DCC: variants seen among roughly 807,000 people sequenced by gnomAD.
DCC encodes the protein netrin receptor DCC.
Under a neutral mutation model 172.5 loss-of-function variants are expected in DCC, and 58 were observed. The observed-to-expected ratio is 0.34, with a 90% CI of 0.27 to 0.42. DCC has a LOEUF of 0.42. DCC is among the 10% of genes least tolerant of loss of function. The pLI, the probability that DCC is intolerant of heterozygous loss-of-function variation, is 1.00. For synonymous variants in DCC, 709 were observed against 644.5 expected (o/e 1.10, Z -1.52); for missense variants, 1,740 against 1,791.0 (o/e 0.97, Z 0.51).
intron 7 of DCC, among the ~76,000 whole-genome samples, chr18:53,131,767 A>G (rs971692909): frequency 1.3e-5 from 2 of 152,092 alleles, no homozygotes; most frequent in African/African-American, 2.4e-5. Context: ...AGTGATACAG[A>G]CAGTAAGTGT....
intron 1 of DCC, among the ~76,000 whole-genome samples, chr18:52,538,023 T>A (rs1469937107): frequency 6.6e-6 from 1 of 152,218 alleles, no homozygotes; most frequent in African/African-American, 2.4e-5. Context: ...TACCCTGGAT[T>A]CCACCTGTGC....
At chr18:52,532,595 A>G (rs2032181900) in intron 1 of DCC, among the ~76,000 whole-genome samples, 1 of 152,188 alleles carries the variant, frequency 6.6e-6, no homozygotes, top group Non-Finnish European at 1.5e-5. Flanking sequence ...GTGCATCACC[A>G]TTGACTGAAG....
chr18:52,733,760 T>A (rs944783687), intron 1 of DCC, among the ~76,000 whole-genome samples: 1 of 152,136 alleles, frequency 6.6e-6, no homozygotes, highest in Non-Finnish European at 1.5e-5. Flanking sequence ...CCTCCCAAAG[T>A]GCTGGGATTA....
chr18:52,870,027 C>T (rs1479572713), intron 2 of DCC, among the ~76,000 whole-genome samples: 2 of 152,018 alleles, frequency 1.3e-5, no homozygotes, highest in African/African-American at 4.8e-5. Context: ...TCTGTCCGCT[C>T]CTCCAAGCCC....
At chr18:53,361,667 A>T (rs777256560) in intron 15 of DCC, among the ~76,000 whole-genome samples, 1 of 152,176 alleles carries the variant, frequency 6.6e-6, no homozygotes, top group African/African-American at 2.4e-5. Flanking sequence ...CAAATTAGAA[A>T]CAATACCAAT....
In DCC at chr18:53,420,135, G is replaced by A. The variant is rs898051771; in HGVS notation, c.3163+3979G>A. Among the ~76,000 whole-genome samples, 3 of 152,128 alleles carry A rather than the reference G, an allele frequency of 2.0e-5. 1 individual carries two copies. Among genetic ancestry groups the A allele is most frequent in the South Asian group, 4.1e-4 (2 of 4,828 alleles). On this transcript the variant is annotated intron_variant, in intron 21 of 28. Transcript: ENST00000442544. ...CTCTTAAAGTGCTGGGATTCCAGGA[G>A]TAAGCCACCATGCCCCACCCAAAAG... is the stretch of plus-strand genomic sequence containing the variant.
intron 15 of DCC, among the ~76,000 whole-genome samples, chr18:53,352,528 A>G (rs911604387): frequency 5.3e-5 from 8 of 152,102 alleles, no homozygotes; most frequent in Admixed American, 5.2e-4. Flanking sequence ...TCCAGACTAT[A>G]CATTTTTGGC....
intron 27 of DCC, among the ~76,000 whole-genome samples, chr18:53,515,428 A>C (rs2046321474): frequency 6.6e-6 from 1 of 150,542 alleles, no homozygotes; most frequent in South Asian, 2.2e-4. Flanking sequence ...TATTCAACAT[A>C]GTGTTGGAAG....
intron 1 of DCC, among the ~76,000 whole-genome samples, chr18:52,347,629 G>A (rs1350757508): frequency 6.6e-6 from 1 of 152,066 alleles, no homozygotes; most frequent in African/African-American, 2.4e-5. Context: ...TAAGACATAG[G>A]GGACTAAGTT....
At chr18:52,993,799 T>C (rs1273832307) in intron 5 of DCC, among the ~76,000 whole-genome samples, 1 of 149,630 alleles carries the variant, frequency 6.7e-6, no homozygotes, top group African/African-American at 2.5e-5. Context: ...TTTTTATAAG[T>C]TCTGAGAATT....
chr18:53,092,394 A>G (rs189318537), intron 7 of DCC, among the ~76,000 whole-genome samples: 2 of 152,184 alleles, frequency 1.3e-5, no homozygotes, highest in African/African-American at 2.4e-5. Context: ...AGAGATAATA[A>G]TGCATAATAA....
chr18:53,206,246 T>TACACATATACCACATATATGTATTATAAC lies in DCC; in HGVS notation c.1722+885_1722+886insCATATACCACATATATGTATTATAACACA, dbSNP rs1568364810. Among the ~76,000 whole-genome samples the TACACATATACCACATATATGTATTATAAC allele has an allele frequency of 1.8e-3, 245 of 132,940 alleles. 8 individuals carry two copies. The highest frequency in any genetic ancestry group is 6.5e-3 in the African/African-American group (232 of 35,788). The allele number at this position is 132,940 out of a possible 152,430, so 87.2% of individuals were successfully genotyped here. ...ATATACATATATGTGTTATACATAA[T>TACACATATACCACATATATGTATTATAAC]ACATATATACCACATATATGTATTA... On this transcript the variant is annotated intron_variant, in intron 10 of 28. Transcript: ENST00000442544.
At position 52,653,605 on chromosome 18, in the gene DCC, G is replaced by A. The variant is rs1446150488; in HGVS notation, c.92-98449G>A. Among the ~76,000 whole-genome samples the A allele has an allele frequency of 4.6e-5, 7 of 152,268 alleles. No individual in the cohort carries two copies. In the East Asian group the frequency reaches 1.3e-3, roughly 29 times the overall value. On this transcript the variant is annotated intron_variant, in intron 1 of 28. Coordinates refer to ENST00000442544, the MANE Select transcript of DCC (RefSeq NM_005215.4). ...TTCTGAGAGTTCAAACTTTGCCAGA[G>A]GAGAGGACATAAAATCTAAGGAGTT...
At chr18:53,474,352 C>T (rs2045735670) in intron 25 of DCC, among the ~76,000 whole-genome samples, 1 of 152,070 alleles carries the variant, frequency 6.6e-6, no homozygotes. Context: ...AAACCTGATG[C>T]ATCTATATAA....
intron 7 of DCC, among the ~76,000 whole-genome samples, chr18:53,126,525 C>T (rs909709225): frequency 2.0e-5 from 3 of 152,090 alleles, no homozygotes; most frequent in Non-Finnish European, 4.4e-5. Flanking sequence ...TTTAAAAGCA[C>T]AGAAAACAGT....
chr18:52,593,586 T>C (rs1213708561), intron 1 of DCC, among the ~76,000 whole-genome samples: 2 of 152,342 alleles, frequency 1.3e-5, no homozygotes, highest in East Asian at 3.9e-4. Context: ...ATTTAATATT[T>C]ACATGTATAA....
chr18:52,694,888 T>A (rs1264051999), intron 1 of DCC, among the ~76,000 whole-genome samples: 1 of 152,200 alleles, frequency 6.6e-6, no homozygotes, highest in Non-Finnish European at 1.5e-5. Flanking sequence ...GTTCTCTGTA[T>A]GTACAAGTGG....
chr18:52,610,161 AAAAAAAAAAAAAAAAAAATATAT>A (rs2034224808), intron 1 of DCC, among the ~76,000 whole-genome samples: 5 of 15,280 alleles, frequency 3.3e-4, no homozygotes, highest in African/African-American at 1.6e-3. Context: ...TAAAAAAAAA[AAAAAAAAAAAAAAAAAAATATAT>A]ATATATATAT....
chr18:53,157,597 G>A, intron 8 of DCC, 85 bp downstream of exon 8: 1 of 1,424,740 alleles, frequency 7.0e-7, no homozygotes, highest in Non-Finnish European at 9.7e-7. Context: ...GGAGATCTTG[G>A]GCAGGAACTT....
Sources: gnomAD v4.1 joint callset for allele counts (sites outside exome capture counted in the v4.1 genomes callset) on GRCh38, gnomAD v4.1.1 for gene constraint, MANE v1.5 for transcripts, NCBI Gene and HGNC (gene_info 2026-07-23, HGNC 2026-07-21) for gene names.